The following ARAP2 variants were observed in gnomAD, a reference collection of about 807,000 sequenced individuals.
ARAP2 encodes the protein arf-GAP with Rho-GAP domain, ANK repeat and PH domain-containing protein 2.
A neutral mutation model predicts 194.5 loss-of-function variants in ARAP2; 148 were observed. The ratio of observed to expected loss-of-function variants is 0.76; its 90% CI spans 0.67 to 0.87. The LOEUF (loss-of-function observed/expected upper bound fraction) is 0.87. Among genes scored for constraint, ARAP2 ranks in the 40% least tolerant of loss-of-function variants. The pLI is 0.00. For synonymous variants in ARAP2, 695 were observed against 683.5 expected, an observed-to-expected ratio of 1.02 and a Z score of -0.26; for missense variants, 2,128 against 1,989.7, an observed-to-expected ratio of 1.07 and a Z score of -1.32.
chr4:36,092,935 G>A (rs982977624), intron 27 of ARAP2, among the ~76,000 whole-genome samples: 2 of 152,046 alleles, frequency 1.3e-5, no homozygotes, highest in African/African-American at 4.8e-5. Context: ...GGTAAGAAAG[G>A]CAAAACTGCT....
At chr4:36,168,751 A>C (rs1346882599) in intron 9 of ARAP2, among the ~76,000 whole-genome samples, 1 of 152,220 alleles carries the variant, frequency 6.6e-6, no homozygotes, top group Non-Finnish European at 1.5e-5. Context: ...AGAAACTGAC[A>C]ATCAGTGATA....
chr4:36,136,062 T>C (rs1000149335), intron 19 of ARAP2, among the ~76,000 whole-genome samples: 14 of 151,802 alleles, frequency 9.2e-5, no homozygotes, highest in Admixed American at 8.6e-4. Flanking sequence ...TCCTAAAATA[T>C]ATATGTAGTG....
chr4:36,125,357 T>C (rs972387040), intron 21 of ARAP2, among the ~76,000 whole-genome samples: 5 of 152,022 alleles, frequency 3.3e-5, no homozygotes, highest in South Asian at 4.1e-4. Context: ...ATTTTAACTC[T>C]GGCTATGGAA....
intron 15 of ARAP2, 87 bp from the exon 16 acceptor site, chr4:36,151,131 G>A: frequency 8.9e-7 from 1 of 1,120,192 alleles, no homozygotes; most frequent in South Asian, 1.6e-5. Flanking sequence ...AATAATGGCT[G>A]GATGCAAGTA....
At chr4:36,121,470 TTC>T (rs1405143488) in intron 22 of ARAP2, 144 bp from the exon 23 acceptor site, 1 of 640,862 alleles carries the variant, frequency 1.6e-6, no homozygotes. Context: ...AAGCATATGG[TTC>T]TTTCTTCTAA....
At chr4:36,118,251 C>A (rs1325810678) in intron 24 of ARAP2, among the ~76,000 whole-genome samples, 2 of 142,826 alleles carry the variant, frequency 1.4e-5, no homozygotes, top group African/African-American at 2.6e-5. Flanking sequence ...TTTGCATAAA[C>A]AGCTCTCCAG....
intron 19 of ARAP2, among the ~76,000 whole-genome samples, chr4:36,137,422 T>C (rs1304098841): frequency 6.6e-6 from 1 of 151,904 alleles, no homozygotes; most frequent in Non-Finnish European, 1.5e-5. Context: ...TCCAATTGCA[T>C]TTCCTAAAAT....
At chr4:36,082,608 C>T (rs1469176304) in intron 29 of ARAP2, among the ~76,000 whole-genome samples, 1 of 152,054 alleles carries the variant, frequency 6.6e-6, no homozygotes, top group African/African-American at 2.4e-5. Context: ...TGTACGGTTA[C>T]TGGGGGAAAT....
chr4:36,116,704 T>C (rs1174503651), intron 25 of ARAP2, among the ~76,000 whole-genome samples: 5 of 151,836 alleles, frequency 3.3e-5, no homozygotes, highest in Non-Finnish European at 7.4e-5. Context: ...ACATCAATGC[T>C]ATGATGTAAT....
intron 2 of ARAP2, 89 bp downstream of exon 2, chr4:36,228,493 T>C: frequency 1.5e-6 from 2 of 1,367,882 alleles, no homozygotes; most frequent in South Asian, 1.5e-5. Context: ...CAGTCAAATT[T>C]AGATAGGAAC....
At chr4:36,159,229 A>G (rs1733340782) in intron 14 of ARAP2, 102 bp downstream of exon 14, 1 of 1,246,826 alleles carries the variant, frequency 8.0e-7, no homozygotes, top group Non-Finnish European at 1.1e-6. Flanking sequence ...ATTTTTCTTC[A>G]TTCTGATGGT....
chr4:36,169,193 G>T (rs149280357), intron 9 of ARAP2, among the ~76,000 whole-genome samples: 142 of 152,218 alleles, frequency 9.3e-4, no homozygotes, highest in African/African-American at 3.2e-3. Context: ...ATAAATACGT[G>T]GACTGCATGT....
At chr4:36,021,075 G>A (rs1454883007) in intron 5 of ARAP2, among the ~76,000 whole-genome samples, 1 of 152,172 alleles carries the variant, frequency 6.6e-6, no homozygotes, top group Non-Finnish European at 1.5e-5. Flanking sequence ...CGTATCCTTG[G>A]AAATGATAGG....
intron 1 of ARAP2, among the ~76,000 whole-genome samples, chr4:36,231,207 G>A (rs1387964906): frequency 4.6e-5 from 7 of 152,040 alleles, no homozygotes; most frequent in African/African-American, 7.2e-5. Context: ...GTGAGGGTGC[G>A]TGCCTGTAAT....
intron 21 of ARAP2, among the ~76,000 whole-genome samples, chr4:36,127,314 T>G (rs950543916): frequency 2.6e-5 from 4 of 152,084 alleles, no homozygotes; most frequent in Admixed American, 1.3e-4. Context: ...CTTAGAAAAT[T>G]ATACACTTAA....
rs774273241 is a variant in ARAP2, at chr4:36,210,704, C to T, written c.1173G>A (p.Lys391=). 6 of 1,607,174 alleles carry T rather than the reference C, an allele frequency of 3.7e-6. No homozygotes were observed. Among genetic ancestry groups the T allele is most frequent in the South Asian group, 2.2e-5 (2 of 89,654 alleles). ...CTCGAGGTATCCAAATATCTTCCACCTTGTCCTCGCTTATTTTCTCCTTTC... is the reference window on the plus strand; with the variant it reads ...CTCGAGGTATCCAAATATCTTCCACTTTGTCCTCGCTTATTTTCTCCTTTC... ...DNRKEKISED[K]VEDIWIPRED... Residue 391 remains lysine (K), a synonymous_variant, in exon 6 of 33, where the codon AAG becomes AAA. Coordinates refer to ENST00000303965, the MANE Select transcript of ARAP2 (RefSeq NM_015230.4).
chr4:36,062,469 C>T (rs950994583), downstream of ARAP2, among the ~76,000 whole-genome samples: 10 of 152,056 alleles, frequency 6.6e-5, no homozygotes, highest in African/African-American at 2.2e-4. Context: ...TCTATTACAC[C>T]GTCTTGATCT....
At chr4:36,203,651 C>T (rs1049121305) in intron 6 of ARAP2, among the ~76,000 whole-genome samples, 2 of 151,872 alleles carry the variant, frequency 1.3e-5, no homozygotes, top group Non-Finnish European at 2.9e-5. Context: ...GAAGAAGATT[C>T]ATTTAAAAGA....
chr4:36,229,325 T>C lies in ARAP2; in HGVS notation c.162A>G (p.Thr54=). 6.2e-7 allele frequency: 1 copy of C among 1,614,094 alleles called. No homozygotes were observed. Residue 54 remains threonine, a synonymous_variant, in exon 2 of 33, where the codon ACA becomes ACG. Transcript: ENST00000303965. ...GTTTAAGTATCCTCCTACGGTGACCTGTAGGTGATATTCCAATTTTCTGCA... is the reference window on the plus strand; with the variant it reads ...GTTTAAGTATCCTCCTACGGTGACCCGTAGGTGATATTCCAATTTTCTGCA... ...SLLQKIGISP[T]GHRRRILKQL... is the part of the protein sequence containing the mutation.
Sources: gnomAD v4.1 joint callset for allele counts (sites outside exome capture counted in the v4.1 genomes callset) on GRCh38, gnomAD v4.1.1 for gene constraint, MANE v1.5 for transcripts, NCBI Gene and HGNC (gene_info 2026-07-23, HGNC 2026-07-21) for gene names.